Variants in PPFIA3 observed in about 807,000 individuals in gnomAD.
The protein encoded by PPFIA3 is liprin-alpha-3.
In PPFIA3, 26 loss-of-function variants were observed where a neutral mutation model predicts 145.8. The observed-to-expected ratio is 0.18, with a 90% CI of 0.13 to 0.25. The LOEUF (loss-of-function observed/expected upper bound fraction) is 0.25. Among genes scored for constraint, PPFIA3 ranks in the 10% least tolerant of loss-of-function variants. PPFIA3 has a pLI of 1.00. For synonymous variants in PPFIA3, 645 were observed against 661.4 expected (o/e 0.98, Z 0.38); for missense variants, 1,008 against 1,587.8 (o/e 0.63, Z 6.21).
intron 1 of PPFIA3, among the ~76,000 whole-genome samples, chr19:49,127,383 TAAA>T (rs34030131): frequency 5.9e-4 from 17 of 28,608 alleles, no homozygotes; most frequent in Non-Finnish European, 8.5e-4. Flanking sequence ...TCACTCCAGC[TAAA>T]AAAAAAAAAA....
intron 21 of PPFIA3, 30 bp downstream of exon 21, chr19:49,143,034 C>T: frequency 1.3e-6 from 2 of 1,592,036 alleles, no homozygotes; most frequent in Non-Finnish European, 1.7e-6. Flanking sequence ...TTCCAGCCTT[C>T]GCTTCCTCAG....
Position 49,146,171 on chromosome 19 carries a change from C to T in PPFIA3, c.2814C>T (p.Thr938=). The T allele has an allele frequency of 6.2e-7, 1 of 1,614,138 alleles. No homozygotes were observed. Among genetic ancestry groups the T allele is most frequent in the Non-Finnish European group, 8.5e-7 (1 of 1,180,020 alleles). Residue 938 remains threonine (T), a synonymous_variant, in exon 23 of 30, where the codon ACC becomes ACT. Coordinates refer to ENST00000334186, the MANE Select transcript of PPFIA3 (RefSeq NM_003660.4). ...ESLTATTKPE[T]KEISWEQILA... is the part of the protein sequence containing the mutation. The stretch of plus-strand genomic sequence containing the variant: ...TCTTCCTACTAACGGGTCAGGAGAC[C>T]AAGGAGATCAGCTGGGAGCAGGTAG...
chr19:49,134,081 C>A lies in PPFIA3; in HGVS notation c.1293C>A (p.Ser431=), dbSNP rs755095884. The A allele has an allele frequency of 6.2e-6, 10 of 1,613,822 alleles. No individual in the cohort carries two copies. The highest frequency in any genetic ancestry group is 8.5e-6 in the Non-Finnish European group (10 of 1,179,910). ...ACGATGACCACAATAAGCGGCTGTC[C>A]GAGACGGTGGACAAGCTGCTGAGCG... ...KMNDDHNKRL[S]ETVDKLLSES... is the part of the protein sequence containing the mutation. The change falls in exon 11 of 30, where the codon TCC becomes TCA. Residue 431 remains serine (S), a synonymous_variant. Coordinates refer to ENST00000334186, the MANE Select transcript of PPFIA3 (RefSeq NM_003660.4).
chr19:49,146,534 G>A lies in PPFIA3; in HGVS notation c.2835+342G>A, dbSNP rs1480537643. 2.1e-5 allele frequency: 8 copies of A among 380,330 alleles called. No individual in the cohort carries two copies. In the East Asian group the frequency reaches 3.5e-4, roughly 17 times the overall value. 23.6% of individuals were successfully genotyped at this position (380,330 alleles called of 1,614,324 possible). A position where few individuals can be genotyped will look rare whatever the true frequency, so the allele number is the denominator to read the frequency against. ...GAGGGGGCGGGGGCTACAGTGGACT[G>A]CTCAGTGTACCAGGGCCAAGGAGGA... On this transcript the variant is annotated intron_variant, in intron 23 of 29. Transcript: ENST00000334186.
intron 16 of PPFIA3, among the ~76,000 whole-genome samples, chr19:49,139,059 T>C (rs149854974): frequency 4.6e-5 from 7 of 152,164 alleles, no homozygotes; most frequent in Non-Finnish European, 8.8e-5. Flanking sequence ...CAAAGAGATA[T>C]TGGCCCTATT....
In PPFIA3 at chr19:49,138,224, G is replaced by A; in HGVS notation, c.1873G>A (p.Glu625Lys). 1 of 1,599,992 alleles carries A rather than the reference G, an allele frequency of 6.3e-7. No homozygotes were observed. Among genetic ancestry groups the A allele is most frequent in the Non-Finnish European group, 8.5e-7 (1 of 1,169,612 alleles). ...KEIKLIQEEKETTEQRAEELE... is the reference protein window; with the variant it reads ...KEIKLIQEEKKTTEQRAEELE... Reference sequence around the variant, plus strand: ...CCTCAGGCTGATCCAAGAGGAGAAGGAGACAACAGAACAGAGGGCAGAGGA... The same window carrying A: ...CCTCAGGCTGATCCAAGAGGAGAAGAAGACAACAGAACAGAGGGCAGAGGA... Residue 625 changes from glutamate (E) to lysine (K), a missense_variant, in exon 16 of 30, where the codon GAG becomes AAG. Physicochemically the swap from Glu to Lys is moderately conservative, Grantham distance 56 (BLOSUM62 1). Coordinates refer to ENST00000334186, the MANE Select transcript of PPFIA3 (RefSeq NM_003660.4).
intron 1 of PPFIA3, among the ~76,000 whole-genome samples, chr19:49,124,850 G>A (rs529807429): frequency 5.3e-5 from 8 of 152,200 alleles, no homozygotes; most frequent in Non-Finnish European, 1.2e-4. Flanking sequence ...TGGATCACGA[G>A]GTCAGGAGAT....
Position 49,130,302 on chromosome 19 carries a change from A to G in PPFIA3, c.658-76A>G. 1 of 1,380,722 alleles carries G rather than the reference A, an allele frequency of 7.2e-7. No homozygotes were observed. The highest frequency in any genetic ancestry group is 9.9e-7 in the Non-Finnish European group (1 of 1,013,022). The allele number at this position is 1,380,722 out of a possible 1,614,324, so 85.5% of individuals were successfully genotyped here. Reference sequence around the variant, plus strand: ...TTGATCTTTGATCTACTTTCAGCTGATTGACTTTCTCCTTGGATTTCCTCT... The same window carrying G: ...TTGATCTTTGATCTACTTTCAGCTGGTTGACTTTCTCCTTGGATTTCCTCT... On this transcript the variant is annotated intron_variant, in intron 6 of 29. Transcript: ENST00000334186. The surrounding 1 kb of genome is among the most constrained non-coding windows in gnomAD (Gnocchi z 4.5).
chr19:49,149,435 A>G lies in PPFIA3; in HGVS notation c.3354+110A>G, dbSNP rs2041317772. 1.3e-6 allele frequency: 2 copies of G among 1,583,868 alleles called. No individual in the cohort carries two copies. Among genetic ancestry groups the G allele is most frequent in the Non-Finnish European group, 1.7e-6 (2 of 1,154,888 alleles). On this transcript the variant is annotated intron_variant, in intron 27 of 29. Coordinates refer to ENST00000334186, the MANE Select transcript of PPFIA3 (RefSeq NM_003660.4). This position sits in a 1 kb window ranked among gnomAD's most constrained non-coding sequence, Gnocchi z 5.7. ...GGTCACGGTTGGAGGCGGGGCCAGG[A>G]GAGGGGCGGGGTTAAAGGAGAGGTG...
rs556559883 is a variant in PPFIA3, at chr19:49,144,101, G to C, written c.2745+1097G>C. On this transcript the variant is annotated intron_variant, in intron 21 of 29. Transcript: ENST00000334186. ...ACTCACTGCAACCTCTGCCTCCTGG[G>C]TGCAAGCAATTCCAATCCTCTGCCT... Among the ~76,000 whole-genome samples, 258 of 152,020 alleles carry C rather than the reference G, an allele frequency of 1.7e-3. 1 individual carries two copies. Among genetic ancestry groups the C allele is most frequent in the Non-Finnish European group, 2.9e-3 (194 of 67,986 alleles).
rs1490012619 is a variant in PPFIA3 at position 49,130,530 on chromosome 19, G to T, written c.810G>T (p.Leu270Phe). The change falls in exon 7 of 30, where the codon TTG (leucine) becomes TTT (phenylalanine). Residue 270 changes from leucine (L) to phenylalanine (F), a missense_variant. By Grantham distance (22) the Leu-to-Phe change is conservative. Around this residue, in one of 11 missense-constraint regions of PPFIA3, gnomAD observed 136 missense variants for 160.7 expected, o/e 0.85. Transcript: ENST00000334186. This position sits in a 1 kb window ranked among gnomAD's most constrained non-coding sequence, Gnocchi z 4.5. The part of the protein sequence containing the change: ...CRQMSQLEEE[L>F]GTAHRELGKA... ...AGATGAGCCAGCTGGAGGAGGAGTT[G>T]GGCACCGCGCACCGTGAGCTGGGCA... The T allele has an allele frequency of 1.9e-6, 3 of 1,585,144 alleles. No individual in the cohort carries two copies. In the African/African-American group the frequency reaches 4.0e-5, roughly 21 times the overall value.
rs1267971399 is a variant in PPFIA3, at chr19:49,120,650, C to A, written c.-16+928C>A. 6.6e-6 allele frequency among the ~76,000 whole-genome samples: 1 copy of A among 152,166 alleles called. No individual in the cohort carries two copies. The highest frequency in any genetic ancestry group is 1.9e-4 in the East Asian group (1 of 5,198). Reference sequence around the variant, plus strand: ...AGCCTCCTGGCACCCAGCATCTGCTCCCCGAGGGACTCAGGCGCCATGACT... The same window carrying A: ...AGCCTCCTGGCACCCAGCATCTGCTACCCGAGGGACTCAGGCGCCATGACT... On this transcript the variant is annotated intron_variant, in intron 1 of 29. Transcript: ENST00000334186. The surrounding 1 kb of genome is among the most constrained non-coding windows in gnomAD (Gnocchi z 4.6).
At position 49,128,155 on chromosome 19, in the gene PPFIA3, CG is replaced by C. The variant is rs906895738; in HGVS notation, c.240+48del. On this transcript the variant is annotated intron_variant, in intron 2 of 29. Coordinates refer to ENST00000334186, the MANE Select transcript of PPFIA3 (RefSeq NM_003660.4). The surrounding 1 kb of genome is among the most constrained non-coding windows in gnomAD (Gnocchi z 4.1). ...GGCGGGGCATGAGGGGGCGGGGCCT[CG>C]GGGGGAAGAAGGCGGTCCGGAAGGG... The C allele has an allele frequency of 1.6e-5, 21 of 1,285,578 alleles. No individual in the cohort carries two copies. Among genetic ancestry groups the C allele is most frequent in the African/African-American group, 7.7e-5 (5 of 64,586 alleles). 79.6% of individuals were successfully genotyped at this position (1,285,578 alleles called of 1,614,324 possible). A position where few individuals can be genotyped will look rare whatever the true frequency, so the allele number is the denominator to read the frequency against.
rs533176554 is a variant in PPFIA3, at chr19:49,127,763, A to G, written c.-15-96A>G. On this transcript the variant is annotated intron_variant, in intron 1 of 29. Transcript: ENST00000334186. The stretch of plus-strand genomic sequence containing the variant: ...CTGTGCAGTGCTTGGTTTGCCCCCA[A>G]CTATTTCCCCTACGTGGTATCCGAG... 1.8e-3 allele frequency: 2,605 copies of G among 1,451,192 alleles called. 6 individuals carry two copies. The highest frequency in any genetic ancestry group is 2.7e-3 in the Admixed American group (110 of 40,308). The allele number at this position is 1,451,192 out of a possible 1,614,324, so 89.9% of individuals were successfully genotyped here.
intron 15 of PPFIA3, among the ~76,000 whole-genome samples, chr19:49,137,633 A>C (rs1261142810): frequency 9.4e-5 from 5 of 53,308 alleles, no homozygotes; most frequent in African/African-American, 4.0e-4. Flanking sequence ...CGTGTCAAAA[A>C]AAAAAAAAAA....
chr19:49,121,975 C>T (rs2040941719), intron 1 of PPFIA3, among the ~76,000 whole-genome samples: 1 of 151,954 alleles, frequency 6.6e-6, no homozygotes, highest in Non-Finnish European at 1.5e-5. Context: ...TTGCATTGCT[C>T]CATGTTCTAG....
intron 7 of PPFIA3, among the ~76,000 whole-genome samples, chr19:49,132,532 A>G (rs1397030743): frequency 6.6e-6 from 1 of 151,640 alleles, no homozygotes; most frequent in African/African-American, 2.4e-5. Flanking sequence ...CATCTCCCAT[A>G]AGAAGTTGAA....
At position 49,130,690 on chromosome 19, in the gene PPFIA3, A is replaced by G; in HGVS notation, c.879+91A>G. The G allele has an allele frequency of 8.9e-7, 1 of 1,122,566 alleles. No individual in the cohort carries two copies. Among genetic ancestry groups the G allele is most frequent in the South Asian group, 1.5e-5 (1 of 65,574 alleles). 69.5% of individuals were successfully genotyped at this position (1,122,566 alleles called of 1,614,324 possible). On this transcript the variant is annotated intron_variant, in intron 7 of 29. Transcript: ENST00000334186. This position sits in a 1 kb window ranked among gnomAD's most constrained non-coding sequence, Gnocchi z 4.5. The stretch of plus-strand genomic sequence containing the variant: ...ATTGCTCATGAATGGCGGAACCTCG[A>G]TTCAGTCCACAGGCTGGGTGACTCC...
chr19:49,141,522 G>C lies in PPFIA3; in HGVS notation c.2462+9G>C. On this transcript the variant is annotated intron_variant, in intron 19 of 29. Transcript: ENST00000334186. ...CGAAGGAACAAGAGGAAGTGAGTGT[G>C]TGTGAGTGTGAGCGTGTGTGTGTGT... The C allele has an allele frequency of 1.2e-6, 2 of 1,607,318 alleles. No homozygotes were observed. The highest frequency in any genetic ancestry group is 1.7e-6 in the Non-Finnish European group (2 of 1,174,012).
Sources: gnomAD v4.1 joint callset for allele counts (sites outside exome capture counted in the v4.1 genomes callset) on GRCh38, gnomAD v4.1.1 for gene constraint, gnomAD v4.1.1 regional missense constraint, Gnocchi (gnomAD v3.1) non-coding constraint, MANE v1.5 for transcripts, NCBI Gene and HGNC (gene_info 2026-07-23, HGNC 2026-07-21) for gene names.